APOO: variants seen among roughly 807,000 people sequenced by gnomAD.
APOO encodes MICOS complex subunit MIC26.
In APOO, 11 loss-of-function variants were observed where a neutral mutation model predicts 23.1. That is an observed-to-expected ratio of 0.48 (90% CI 0.30 to 0.79). APOO has a LOEUF of 0.79. APOO is among the 30% of genes least tolerant of loss of function. APOO has a pLI of 0.07. For synonymous variants in APOO, 59 were observed against 54.8 expected (o/e 1.08, Z -0.34); for missense variants, 160 against 142.7 (o/e 1.12, Z -0.62).
intron 7 of APOO, among the ~76,000 whole-genome samples, chrX:23,846,122 T>C (rs914364049): frequency 6.6e-5 from 7 of 106,655 alleles, no homozygotes; most frequent in Admixed American, 3.1e-4. Flanking sequence ...CTGGCCAACA[T>C]GGCGAAACCC....
intron 1 of APOO, among the ~76,000 whole-genome samples, chrX:23,900,361 G>T (rs1360771413): frequency 9.0e-6 from 1 of 111,471 alleles, no homozygotes; most frequent in Non-Finnish European, 1.9e-5. Flanking sequence ...ATCATGATCA[G>T]AGGACGCTGA....
At chrX:23,905,122 G>C (rs1442400125) in intron 1 of APOO, among the ~76,000 whole-genome samples, 3 of 109,426 alleles carry the variant, frequency 2.7e-5, no homozygotes, top group Non-Finnish European at 5.7e-5. Flanking sequence ...GGCGCGGTGG[G>C]TCACACCTGT....
At chrX:23,879,056 A>G (rs201901137) in intron 2 of APOO, 22 bp from the exon 3 acceptor site, 10 of 1,196,289 alleles carry the variant, frequency 8.4e-6, no homozygotes, top group African/African-American at 5.2e-5. Context: ...AAAACAAAAC[A>G]AAGATTTAAA....
chrX:23,897,102 G>A (rs184024585), intron 1 of APOO, among the ~76,000 whole-genome samples: 357 of 111,758 alleles, frequency 3.2e-3, no homozygotes, highest in Non-Finnish European at 4.2e-3. Flanking sequence ...AAAGAGATAA[G>A]CAGAGAAAAA....
At chrX:23,859,738 C>T (rs1037887053) in intron 5 of APOO, among the ~76,000 whole-genome samples, 8 of 112,020 alleles carry the variant, frequency 7.1e-5, no homozygotes, top group Non-Finnish European at 1.3e-4. Flanking sequence ...CCGCTGCGCC[C>T]GGCCCTCTGG....
At chrX:23,864,549 G>A (rs778548055) in intron 5 of APOO, among the ~76,000 whole-genome samples, 7 of 111,063 alleles carry the variant, frequency 6.3e-5, no homozygotes, top group African/African-American at 1.3e-4. Context: ...TGATACATCC[G>A]CCTTGAACTT....
At chrX:23,898,099 T>G (rs1056439137) in intron 1 of APOO, among the ~76,000 whole-genome samples, 1 of 109,177 alleles carries the variant, frequency 9.2e-6, no homozygotes, top group African/African-American at 3.3e-5. Flanking sequence ...TATCTCTTTT[T>G]TTGTTGTTGT....
At chrX:23,893,382 G>A (rs1040456050) in intron 1 of APOO, among the ~76,000 whole-genome samples, 6 of 109,077 alleles carry the variant, frequency 5.5e-5, no homozygotes, top group East Asian at 2.9e-4. Context: ...CCGACATCAC[G>A]CCACTGCACT....
chrX:23,874,101 G>C, intron 4 of APOO, among the ~76,000 whole-genome samples: 1 of 111,978 alleles, frequency 8.9e-6, no homozygotes, highest in Admixed American at 9.6e-5. Context: ...TGATGAATTA[G>C]TATGGTGTAT....
intron 7 of APOO, among the ~76,000 whole-genome samples, chrX:23,855,023 G>GT (rs1216044199): frequency 7.5e-5 from 8 of 106,339 alleles, no homozygotes; most frequent in Non-Finnish European, 1.5e-4. Context: ...AATTAGTGGG[G>GT]TTTTTTTTCT....
chrX:23,855,383 A>T (rs918576634), intron 7 of APOO, among the ~76,000 whole-genome samples: 8 of 111,507 alleles, frequency 7.2e-5, no homozygotes, highest in Non-Finnish European at 1.3e-4. Context: ...CTTATAATTT[A>T]TTCTGTTACT....
At chrX:23,842,995 T>C (rs1253027423) in intron 7 of APOO, among the ~76,000 whole-genome samples, 5 of 111,075 alleles carry the variant, frequency 4.5e-5, no homozygotes, top group Non-Finnish European at 7.6e-5. Context: ...GCAACAAGAG[T>C]GAAACTCCAT....
At chrX:23,894,413 C>G (rs1204304972) in intron 1 of APOO, among the ~76,000 whole-genome samples, 1 of 111,547 alleles carries the variant, frequency 9.0e-6, no homozygotes, top group African/African-American at 3.3e-5. Context: ...CAGACATGAG[C>G]CACCACACCC....
At chrX:23,889,829 T>C (rs971156383) in intron 1 of APOO, among the ~76,000 whole-genome samples, 24 of 109,339 alleles carry the variant, frequency 2.2e-4, no homozygotes, top group African/African-American at 6.0e-4. Context: ...GCCTGGCTAA[T>C]TTTTTGTATT....
intron 6 of APOO, among the ~76,000 whole-genome samples, chrX:23,857,750 G>T (rs1368993139): frequency 9.0e-6 from 1 of 111,265 alleles, no homozygotes; most frequent in Non-Finnish European, 1.9e-5. Context: ...TCCACAATCT[G>T]CCCAGGACCT....
At chrX:23,895,831 A>G (rs1176984713) in intron 1 of APOO, among the ~76,000 whole-genome samples, 1 of 107,305 alleles carries the variant, frequency 9.3e-6, no homozygotes, top group African/African-American at 3.4e-5. Context: ...ATCTCATTCT[A>G]CTAAAAAAAA....
intron 8 of APOO, among the ~76,000 whole-genome samples, chrX:23,834,264 C>A (rs1437976217): frequency 9.3e-6 from 1 of 107,575 alleles, no homozygotes; most frequent in Non-Finnish European, 1.9e-5. Context: ...GGCATGGTGG[C>A]GGGCGCCTGT....
intron 3 of APOO, among the ~76,000 whole-genome samples, chrX:23,874,708 C>A (rs1008738336): frequency 9.0e-6 from 1 of 111,424 alleles, no homozygotes; most frequent in African/African-American, 3.3e-5. Flanking sequence ...GTGGTTTCAA[C>A]AATCCAGCCA....
At chrX:23,889,822 T>C (rs756398481) in intron 1 of APOO, among the ~76,000 whole-genome samples, 489 of 109,714 alleles carry the variant, frequency 4.5e-3, no homozygotes, top group African/African-American at 0.013. Flanking sequence ...CCACCACGCC[T>C]GGCTAATTTT....
Sources: allele counts gnomAD v4.1 joint callset (sites outside exome capture counted in the v4.1 genomes callset), GRCh38; gene constraint gnomAD v4.1.1; transcripts MANE v1.5; gene names NCBI Gene and HGNC (gene_info 2026-07-23, HGNC 2026-07-21).